The following KIAA1217 variants were observed in gnomAD, a reference collection of about 807,000 sequenced individuals.
KIAA1217 encodes the protein sickle tail protein homolog.
In KIAA1217, 88 loss-of-function variants were observed where a neutral mutation model predicts 163.9. The ratio of observed to expected loss-of-function variants is 0.54; its 90% CI spans 0.45 to 0.64. KIAA1217 has a LOEUF of 0.64. Ranked by LOEUF, KIAA1217 falls within the 30% of genes least tolerant of loss-of-function variation. The pLI is 0.00. For synonymous variants in KIAA1217, 903 were observed against 923.1 expected, an observed-to-expected ratio of 0.98 and a Z score of 0.39; for missense variants, 2,372 against 2,475.0, an observed-to-expected ratio of 0.96 and a Z score of 0.88.
intron 1 of KIAA1217, among the ~76,000 whole-genome samples, chr10:23,969,933 G>A (rs779088771): frequency 1.3e-5 from 2 of 152,156 alleles, no homozygotes; most frequent in Non-Finnish European, 2.9e-5. Context: ...ATGGTAGCAG[G>A]CAAGAGAGAG....
chr10:24,400,009 C>T (rs1240542650), intron 3 of KIAA1217, among the ~76,000 whole-genome samples: 1 of 152,188 alleles, frequency 6.6e-6, no homozygotes, highest in East Asian at 1.9e-4. Flanking sequence ...GACTTTGCTA[C>T]TTAACATAGC....
At chr10:24,460,549 A>G (rs532967199) in intron 5 of KIAA1217, among the ~76,000 whole-genome samples, 1 of 152,202 alleles carries the variant, frequency 6.6e-6, no homozygotes, top group African/African-American at 2.4e-5. Flanking sequence ...CTCTGGGACT[A>G]TTCCCTCAGA....
intron 5 of KIAA1217, among the ~76,000 whole-genome samples, chr10:24,457,223 G>A (rs1181703601): frequency 6.6e-6 from 1 of 152,132 alleles, no homozygotes; most frequent in Non-Finnish European, 1.5e-5. Flanking sequence ...AAGAGTTGGG[G>A]AGGTTGGGTT....
At chr10:24,529,895 TC>T (rs1322865759) in intron 14 of KIAA1217, among the ~76,000 whole-genome samples, 5 of 151,380 alleles carry the variant, frequency 3.3e-5, no homozygotes, top group Non-Finnish European at 7.4e-5. Context: ...CCTCCTGGGT[TC>T]AAGCAATTCT....
At chr10:24,310,319 A>G (rs2042542833) in intron 2 of KIAA1217, among the ~76,000 whole-genome samples, 1 of 152,154 alleles carries the variant, frequency 6.6e-6, no homozygotes, top group Non-Finnish European at 1.5e-5. Flanking sequence ...GGTAAGTGCT[A>G]TTATCTGCAG....
At chr10:23,711,621 C>A (rs74122373) in intron 1 of KIAA1217, among the ~76,000 whole-genome samples, 16,753 of 152,152 alleles carry the variant, frequency 0.11, 2,641 homozygotes, top group African/African-American at 0.35. Context: ...GTTTGGGGAC[C>A]TGCACAGATG....
At chr10:24,538,218 A>C (rs1004442310) in intron 17 of KIAA1217, among the ~76,000 whole-genome samples, 1 of 152,154 alleles carries the variant, frequency 6.6e-6, no homozygotes. Flanking sequence ...CCCAGCTCCC[A>C]GCCAAGAGGC....
At chr10:24,310,101 A>G (rs1035965219) in intron 2 of KIAA1217, among the ~76,000 whole-genome samples, 3 of 152,118 alleles carry the variant, frequency 2.0e-5, no homozygotes, top group Admixed American at 1.3e-4. Flanking sequence ...ACTCCCCTCT[A>G]GTTCTTCTAA....
chr10:24,046,497 G>T (rs553655280), intron 2 of KIAA1217, among the ~76,000 whole-genome samples: 1 of 152,298 alleles, frequency 6.6e-6, no homozygotes, highest in Non-Finnish European at 1.5e-5. Flanking sequence ...GGAGGCCTCA[G>T]GAAACTTACA....
intron 2 of KIAA1217, among the ~76,000 whole-genome samples, chr10:24,300,292 T>A (rs2041154818): frequency 6.6e-6 from 1 of 152,190 alleles, no homozygotes; most frequent in Non-Finnish European, 1.5e-5. Context: ...TATTTCCAAT[T>A]TTTTTAAGTT....
rs35966270 is a variant in KIAA1217, at chr10:24,090,332, C to CTTTTTTT, written c.-171+82980_-171+82986dup. ...CAGGCATGCACCCTCACATCCTGCTCTTTTTTTTTTTTTTTTTTTTTTTTT... is the reference window on the plus strand; with the variant it reads ...CAGGCATGCACCCTCACATCCTGCTCTTTTTTTTTTTTTTTTTTTTTTTTTTTTTTTT... On this transcript the variant is annotated intron_variant, in intron 2 of 18. Coordinates refer to the KIAA1217 transcript ENST00000376462. Among the ~76,000 whole-genome samples, 6 of 58,936 alleles carry CTTTTTTT rather than the reference C, an allele frequency of 1.0e-4. 2 individuals carry two copies. Among genetic ancestry groups the CTTTTTTT allele is most frequent in the African/African-American group, 5.9e-4 (5 of 8,546 alleles). The allele number at this position is 58,936 out of a possible 152,430, so 38.7% of individuals were successfully genotyped here.
intron 4 of KIAA1217, among the ~76,000 whole-genome samples, chr10:24,436,139 G>A (rs1334164040): frequency 2.0e-5 from 3 of 151,990 alleles, no homozygotes; most frequent in Non-Finnish European, 2.9e-5. Flanking sequence ...GGGATTATAA[G>A]CGTGACCCAC....
At chr10:24,085,323 A>G (rs2131667446) in intron 2 of KIAA1217, among the ~76,000 whole-genome samples, 1 of 152,328 alleles carries the variant, frequency 6.6e-6, no homozygotes, top group South Asian at 2.1e-4. Context: ...AGTCACTGAA[A>G]TAATAGACCA....
At position 24,529,479 on chromosome 10, in the gene KIAA1217, G is replaced by A. The variant is rs1592694852; in HGVS notation, c.3082+1360G>A. Among the ~76,000 whole-genome samples the A allele has an allele frequency of 2.0e-5, 3 of 152,206 alleles. No homozygotes were observed. In the East Asian group the frequency reaches 5.8e-4, roughly 29 times the overall value. On this transcript the variant is annotated intron_variant, in intron 14 of 20. Transcript: ENST00000376454. ...AAATTCAAGTTTTATTTTTTGGAAT[G>A]TGGAGGGAATTTATATATATATATA...
Position 23,925,874 on chromosome 10 carries a change from G to C in KIAA1217, c.-320-81351G>C, listed in dbSNP as rs570957251. ...CTCTTTTCTGCAGGAGTTTTGATCAGCTGAGAATTGATGCAAAGTAGTAAA... is the reference window on the plus strand; with the variant it reads ...CTCTTTTCTGCAGGAGTTTTGATCACCTGAGAATTGATGCAAAGTAGTAAA... On this transcript the variant is annotated intron_variant, in intron 1 of 18. Coordinates refer to the KIAA1217 transcript ENST00000376462. Among the ~76,000 whole-genome samples, 5 of 152,278 alleles carry C rather than the reference G, an allele frequency of 3.3e-5. No individual in the cohort carries two copies. The South Asian group carries it at 1.0e-3, about 32-fold the overall frequency.
intron 2 of KIAA1217, among the ~76,000 whole-genome samples, chr10:24,063,275 C>T (rs2060804643): frequency 6.6e-6 from 1 of 152,148 alleles, no homozygotes; most frequent in African/African-American, 2.4e-5. Context: ...GGTTTTAGGT[C>T]TAACATGTAA....
intron 1 of KIAA1217, among the ~76,000 whole-genome samples, chr10:23,895,231 C>G (rs532647644): frequency 6.6e-6 from 1 of 152,082 alleles, no homozygotes; most frequent in Admixed American, 6.6e-5. Flanking sequence ...AAAATTTTCA[C>G]AAACTATTCA....
intron 8 of KIAA1217, among the ~76,000 whole-genome samples, chr10:24,501,086 A>AT (rs921381130): frequency 1.0e-4 from 7 of 67,584 alleles, no homozygotes; most frequent in African/African-American, 3.9e-4. Flanking sequence ...AAAAATTAAA[A>AT]TAAAAAAAAA....
chr10:24,064,418 G>A (rs1229801298), intron 2 of KIAA1217, among the ~76,000 whole-genome samples: 1 of 152,084 alleles, frequency 6.6e-6, no homozygotes, highest in Admixed American at 6.5e-5. Flanking sequence ...TTTGTCTTTG[G>A]TTCTGTTTAT....
Sources: gnomAD v4.1 joint callset for allele counts (sites outside exome capture counted in the v4.1 genomes callset) on GRCh38, gnomAD v4.1.1 for gene constraint, MANE v1.5 for transcripts, NCBI Gene and HGNC (gene_info 2026-07-23, HGNC 2026-07-21) for gene names.